STARD13: variants seen among roughly 807,000 people sequenced by gnomAD.
The protein encoded by STARD13 is StAR related lipid transfer domain containing 13, also known as stAR-related lipid transfer protein 13.
STARD13 carries 62 observed loss-of-function variants against 106.4 expected under a neutral mutation model. The ratio of observed to expected loss-of-function variants is 0.58; its 90% CI spans 0.48 to 0.72. The LOEUF (loss-of-function observed/expected upper bound fraction) is 0.72, where lower values mean the gene tolerates loss of function less well. Ranked by LOEUF, STARD13 falls within the 30% of genes least tolerant of loss-of-function variation. The pLI is 0.00. For synonymous variants in STARD13, 565 were observed against 553.0 expected, an observed-to-expected ratio of 1.02 and a Z score of -0.31; for missense variants, 1,387 against 1,424.0, an observed-to-expected ratio of 0.97 and a Z score of 0.42.
the STARD13 span, among the ~76,000 whole-genome samples, chr13:33,536,739 A>T: frequency 6.6e-6 from 1 of 152,204 alleles, no homozygotes; most frequent in East Asian, 1.9e-4. Context: ...TCTTTAAAGA[A>T]AGAAGAAATT....
chr13:33,581,410 C>T, the STARD13 span, among the ~76,000 whole-genome samples: 1 of 152,026 alleles, frequency 6.6e-6, no homozygotes, highest in African/African-American at 2.4e-5. Flanking sequence ...TATAATTTGT[C>T]TTGGTAGTTA....
At chr13:33,261,786 G>A (rs1356997027) in intron 1 of STARD13, among the ~76,000 whole-genome samples, 1 of 152,176 alleles carries the variant, frequency 6.6e-6, no homozygotes, top group Admixed American at 6.5e-5. Flanking sequence ...AGCACAAAAG[G>A]GGATTAAAAT....
At chr13:33,601,276 G>A in the STARD13 span, among the ~76,000 whole-genome samples, 5 of 151,856 alleles carry the variant, frequency 3.3e-5, no homozygotes, top group Non-Finnish European at 5.9e-5. Flanking sequence ...AACCTGGAAG[G>A]TACTTTTTAG....
At chr13:33,434,352 CAAAAAAAAAA>C in the STARD13 span, among the ~76,000 whole-genome samples, 1 of 70,324 alleles carries the variant, frequency 1.4e-5, no homozygotes, top group African/African-American at 6.1e-5. Flanking sequence ...GACTCTGTCT[CAAAAAAAAAA>C]AAAAAAAAAA....
the STARD13 span, among the ~76,000 whole-genome samples, chr13:33,634,212 G>T: frequency 6.6e-6 from 1 of 152,118 alleles, no homozygotes; most frequent in Non-Finnish European, 1.5e-5. Flanking sequence ...CCTGAGCTAA[G>T]AATTCTGAGT....
At chr13:33,329,324 G>A (rs1010123555) in intron 1 of STARD13, among the ~76,000 whole-genome samples, 3 of 151,812 alleles carry the variant, frequency 2.0e-5, no homozygotes, top group African/African-American at 7.3e-5. Context: ...GGTGTACAAC[G>A]GGATGTCTTC....
chr13:33,222,512 G>A lies in STARD13; in HGVS notation c.170-54890C>T, dbSNP rs1273302836. 2.0e-5 allele frequency among the ~76,000 whole-genome samples: 3 copies of A among 152,310 alleles called. No homozygotes were observed. In the South Asian group the frequency reaches 6.2e-4, roughly 32 times the overall value. ...TATTAATAATTTCAAGACAGCAACA[G>A]CAGAACATTAAGCCAAGCTCTGGGG... On this transcript the variant is annotated intron_variant, in intron 1 of 13. Coordinates refer to ENST00000336934, the MANE Select transcript of STARD13 (RefSeq NM_178006.4).
chr13:33,433,262 C>G, the STARD13 span, among the ~76,000 whole-genome samples: 1 of 152,190 alleles, frequency 6.6e-6, no homozygotes, highest in Non-Finnish European at 1.5e-5. Flanking sequence ...ATAATCTCAT[C>G]TTTTCAATGT....
intron 1 of STARD13, among the ~76,000 whole-genome samples, chr13:33,200,683 C>T (rs1168042686): frequency 1.3e-5 from 2 of 152,234 alleles, no homozygotes; most frequent in Non-Finnish European, 2.9e-5. Context: ...CACCCACTTA[C>T]TCTGTTGTTG....
chr13:33,180,693 G>T (rs1383228801), intron 1 of STARD13, among the ~76,000 whole-genome samples: 1 of 152,158 alleles, frequency 6.6e-6, no homozygotes, highest in Non-Finnish European at 1.5e-5. Context: ...TGTATATTCA[G>T]GGATCTGCTT....
At chr13:33,361,951 C>A in the STARD13 span, among the ~76,000 whole-genome samples, 2 of 152,166 alleles carry the variant, frequency 1.3e-5, no homozygotes, top group Admixed American at 6.5e-5. Flanking sequence ...TTTTCTATAT[C>A]ACTTCAGTAG....
chr13:33,610,317 A>G, the STARD13 span, among the ~76,000 whole-genome samples: 80 of 151,488 alleles, frequency 5.3e-4, no homozygotes, highest in South Asian at 8.3e-4. Flanking sequence ...ATTTAAGGAG[A>G]AAAAAAAGCA....
In STARD13 at chr13:33,268,428, T is replaced by C. The variant is rs141965813; in HGVS notation, c.169+17042A>G. ...GTTGCTGATGGTTAATATCCTTTTT[T>C]GTTTTCCCTTTAAAGTAACACACAC... On this transcript the variant is annotated intron_variant, in intron 1 of 13. Coordinates refer to ENST00000336934, the MANE Select transcript of STARD13 (RefSeq NM_178006.4). 2.0e-3 allele frequency among the ~76,000 whole-genome samples: 304 copies of C among 152,342 alleles called. 4 individuals are homozygous for C. In the East Asian group the frequency reaches 0.023, roughly 11 times the overall value.
chr13:33,277,440 G>A (rs1449696070), intron 1 of STARD13: 1 of 151,920 alleles, frequency 6.6e-6, no homozygotes, highest in South Asian at 2.1e-4. Context: ...GTCATACTAG[G>A]AGAGCCTTTA....
the STARD13 span, among the ~76,000 whole-genome samples, chr13:33,444,726 A>C: frequency 6.6e-6 from 1 of 152,102 alleles, no homozygotes; most frequent in Non-Finnish European, 1.5e-5. Context: ...CAGTGTTCCC[A>C]CCACTGCACT....
At chr13:33,197,611 T>A (rs999002177) in intron 1 of STARD13, among the ~76,000 whole-genome samples, 2 of 152,216 alleles carry the variant, frequency 1.3e-5, no homozygotes, top group African/African-American at 4.8e-5. Flanking sequence ...CAATTCCACT[T>A]CGGTCTGCCC....
the STARD13 span, among the ~76,000 whole-genome samples, chr13:33,558,410 A>C: frequency 0.25 from 38,417 of 152,052 alleles, 5,761 homozygotes; most frequent in East Asian, 0.43. Flanking sequence ...AAAATAATAT[A>C]TTTACTAAAG....
the STARD13 span, among the ~76,000 whole-genome samples, chr13:33,553,097 T>C: frequency 6.6e-6 from 1 of 152,174 alleles, no homozygotes; most frequent in Non-Finnish European, 1.5e-5. Context: ...TGCCAAACAT[T>C]TTGAAATGGA....
chr13:33,387,877 C>T, the STARD13 span, among the ~76,000 whole-genome samples: 1 of 152,202 alleles, frequency 6.6e-6, no homozygotes, highest in African/African-American at 2.4e-5. Context: ...CTCCCAGATT[C>T]TTTAGCTTGG....
Sources: gnomAD v4.1 joint callset for allele counts (sites outside exome capture counted in the v4.1 genomes callset) on GRCh38, gnomAD v4.1.1 for gene constraint, MANE v1.5 for transcripts, NCBI Gene and HGNC (gene_info 2026-07-23, HGNC 2026-07-21) for gene names.